Variants in CALCRL observed in about 807,000 individuals in gnomAD.
CALCRL encodes calcitonin gene-related peptide type 1 receptor.
In CALCRL, 27 loss-of-function variants were observed where a neutral mutation model predicts 60.4. The observed-to-expected ratio is 0.45, with a 90% CI of 0.33 to 0.62. The LOEUF (loss-of-function observed/expected upper bound fraction) is 0.62, where lower values mean the gene tolerates loss of function less well. Ranked by LOEUF, CALCRL falls within the 20% of genes least tolerant of loss-of-function variation. CALCRL has a pLI of 0.03. For synonymous variants in CALCRL, 190 were observed against 182.6 expected, an observed-to-expected ratio of 1.04 and a Z score of -0.33; for missense variants, 424 against 540.7, an observed-to-expected ratio of 0.78 and a Z score of 2.14.
At chr2:187,346,841 T>TCAGCAG (rs57186359) in intron 14 of CALCRL, among the ~76,000 whole-genome samples, 3,375 of 150,554 alleles carry the variant, frequency 0.022, 74 homozygotes, top group Admixed American at 0.062. Flanking sequence ...AGAATACAAA[T>TCAGCAG]CAGCAGCAGC....
In CALCRL at chr2:187,408,513, C is replaced by T. The variant is rs531062136; in HGVS notation, c.-292-20757G>A. On this transcript the variant is annotated intron_variant, in intron 1 of 14. Coordinates refer to ENST00000392370, the MANE Select transcript of CALCRL (RefSeq NM_005795.6). ...TACATATCTTTCCTTTAAAACATTA[C>T]GATGATACAGAAGCCTAAATGCCTA... Among the ~76,000 whole-genome samples, 26 of 151,974 alleles carry T rather than the reference C, an allele frequency of 1.7e-4. No homozygotes were observed. In the South Asian group the frequency reaches 3.7e-3, roughly 22 times the overall value.
chr2:187,372,269 T>G (rs1257617281), intron 8 of CALCRL, among the ~76,000 whole-genome samples: 1 of 152,102 alleles, frequency 6.6e-6, no homozygotes, highest in Admixed American at 6.6e-5. Flanking sequence ...TGCTCTCTGA[T>G]TTTAAACGGT....
Position 187,356,718 on chromosome 2 carries a change from C to T in CALCRL, c.909+2345G>A, listed in dbSNP as rs927451534. On this transcript the variant is annotated intron_variant, in intron 12 of 14. Coordinates refer to ENST00000392370, the MANE Select transcript of CALCRL (RefSeq NM_005795.6). Reference sequence around the variant, plus strand: ...ACAATCACCAGAGTGAACAGGCTACCTACAGAATGGGAGAAATTTTTTGCA... The same window carrying T: ...ACAATCACCAGAGTGAACAGGCTACTTACAGAATGGGAGAAATTTTTTGCA... 6.6e-5 allele frequency among the ~76,000 whole-genome samples: 10 copies of T among 152,152 alleles called. No homozygotes were observed. The East Asian group carries it at 7.7e-4, about 12-fold the overall frequency.
intron 1 of CALCRL, among the ~76,000 whole-genome samples, chr2:187,438,759 G>T (rs758900511): frequency 6.6e-6 from 1 of 152,104 alleles, no homozygotes; most frequent in Non-Finnish European, 1.5e-5. Context: ...AATGTGAAAG[G>T]TCATTCCTTG....
rs776472840 is a variant in CALCRL, at chr2:187,342,221, T to A, written c.*3963A>T. Among the ~76,000 whole-genome samples, 2 of 151,764 alleles carry A rather than the reference T, an allele frequency of 1.3e-5. No homozygotes were observed. Among genetic ancestry groups the A allele is most frequent in the African/African-American group, 2.4e-5 (1 of 41,412 alleles). ...TGAGACAGAATGTAAATTAGTGATGTTTATAGCTGAAATGAAAGTAGAGAT... is the reference window on the plus strand; with the variant it reads ...TGAGACAGAATGTAAATTAGTGATGATTATAGCTGAAATGAAAGTAGAGAT... On this transcript the variant is annotated 3_prime_UTR_variant, in exon 15 of 15. Coordinates refer to ENST00000392370, the MANE Select transcript of CALCRL (RefSeq NM_005795.6).
chr2:187,383,443 A>G (rs1399629318), intron 4 of CALCRL, 138 bp from the exon 5 acceptor site: 1 of 599,134 alleles, frequency 1.7e-6, no homozygotes, highest in African/African-American at 1.9e-5. Context: ...TAGGGAAAAA[A>G]CCCCAATTTG....
At chr2:187,408,598 A>C (rs1689230796) in intron 1 of CALCRL, among the ~76,000 whole-genome samples, 1 of 152,108 alleles carries the variant, frequency 6.6e-6, no homozygotes, top group Non-Finnish European at 1.5e-5. Flanking sequence ...TGTTCTGTAC[A>C]GAAATTAATA....
chr2:187,415,872 A>G (rs1049769426), intron 1 of CALCRL: 3 of 300,298 alleles, frequency 1.0e-5, no homozygotes, highest in African/African-American at 6.7e-5. Context: ...AGCCCCAGCA[A>G]GAGCACGAGA....
At chr2:187,360,235 A>G (rs905806802) in intron 10 of CALCRL, among the ~76,000 whole-genome samples, 1 of 152,062 alleles carries the variant, frequency 6.6e-6, no homozygotes, top group African/African-American at 2.4e-5. Flanking sequence ...TTTGAACCCA[A>G]TGCTCTCATT....
At chr2:187,347,086 A>G (rs1402655434) in intron 14 of CALCRL, among the ~76,000 whole-genome samples, 1 of 151,860 alleles carries the variant, frequency 6.6e-6, no homozygotes, top group Non-Finnish European at 1.5e-5. Flanking sequence ...ATAAATTTGC[A>G]GTTTAATGAC....
At chr2:187,377,089 G>A (rs1687788438) in intron 8 of CALCRL, among the ~76,000 whole-genome samples, 2 of 152,164 alleles carry the variant, frequency 1.3e-5, no homozygotes, top group South Asian at 2.1e-4. Flanking sequence ...AGGAGGCAAA[G>A]AGAACAGGCA....
At position 187,380,711 on chromosome 2, in the gene CALCRL, G is replaced by A; in HGVS notation, c.261C>T (p.Leu87=). Residue 87 remains leucine (L), a synonymous_variant, in exon 6 of 15, where the codon CTC becomes CTT. Coordinates refer to ENST00000392370, the MANE Select transcript of CALCRL (RefSeq NM_005795.6). The part of the protein sequence containing the change: ...DVAAGTESMQ[L]CPDYFQDFDP... The stretch of plus-strand genomic sequence containing the variant: ...CAAAGTCCTGAAAGTAATCAGGGCA[G>A]AGCTGCATTGATTCAGTTCCTGCTG... 4 of 1,614,064 alleles carry A rather than the reference G, an allele frequency of 2.5e-6. No homozygotes were observed. In the East Asian group the frequency reaches 8.9e-5, roughly 36 times the overall value.
At chr2:187,423,095 G>T (rs550208175) in intron 1 of CALCRL, among the ~76,000 whole-genome samples, 2 of 152,006 alleles carry the variant, frequency 1.3e-5, no homozygotes, top group East Asian at 3.9e-4. Flanking sequence ...CTTATTTCTC[G>T]TTTAAAATTT....
intron 8 of CALCRL, among the ~76,000 whole-genome samples, chr2:187,370,271 T>C (rs146207626): frequency 1.3e-5 from 2 of 152,156 alleles, no homozygotes; most frequent in African/African-American, 4.8e-5. Flanking sequence ...TTCTCATATA[T>C]GTCTGTGGGT....
rs1691280214 is a variant in CALCRL at position 187,448,235 on chromosome 2, A to G, written c.-489T>C. 6.6e-6 allele frequency: 1 copy of G among 152,052 alleles called. No homozygotes were observed. The highest frequency in any genetic ancestry group is 1.5e-5 in the Non-Finnish European group (1 of 68,022). 9.4% of individuals were successfully genotyped at this position (152,052 alleles called of 1,614,324 possible). On this transcript the variant is annotated 5_prime_UTR_variant, in exon 1 of 15. Transcript: ENST00000392370. The stretch of plus-strand genomic sequence containing the variant: ...AGCAGGAGGTGACACTCTCTGCTGG[A>G]GAGAGAGAGGTTGTTCTGAGTAGAT...
chr2:187,365,422 T>C (rs1208109820), intron 8 of CALCRL, among the ~76,000 whole-genome samples: 1 of 152,146 alleles, frequency 6.6e-6, no homozygotes, highest in Non-Finnish European at 1.5e-5. Context: ...TGCTTATCCA[T>C]GCAAATATAC....
intron 1 of CALCRL, among the ~76,000 whole-genome samples, chr2:187,406,174 A>C (rs952968397): frequency 8.2e-6 from 1 of 121,824 alleles, no homozygotes; most frequent in Non-Finnish European, 1.7e-5. Flanking sequence ...AAACAAACCA[A>C]ACCAAACACA....
At position 187,443,573 on chromosome 2, in the gene CALCRL, A is replaced by G. The variant is rs754532114; in HGVS notation, c.-293+4466T>C. ...ATAAATGCATATTTTTTCTTAATTTATAAAGTACATTGGTATATTTGTAGA... is the reference window on the plus strand; with the variant it reads ...ATAAATGCATATTTTTTCTTAATTTGTAAAGTACATTGGTATATTTGTAGA... On this transcript the variant is annotated intron_variant, in intron 1 of 14. Coordinates refer to ENST00000392370, the MANE Select transcript of CALCRL (RefSeq NM_005795.6). Among the ~76,000 whole-genome samples the G allele has an allele frequency of 5.5e-4, 83 of 151,882 alleles. 1 individual carries two copies. The highest frequency in any genetic ancestry group is 2.0e-3 in the Admixed American group (30 of 15,224).
intron 1 of CALCRL, among the ~76,000 whole-genome samples, chr2:187,417,603 T>G (rs2882203): frequency 6.6e-6 from 1 of 151,812 alleles, no homozygotes; most frequent in Non-Finnish European, 1.5e-5. Flanking sequence ...AACCTGAAAG[T>G]TGATTAAAGA....
Sources: allele counts gnomAD v4.1 joint callset (sites outside exome capture counted in the v4.1 genomes callset), GRCh38; gene constraint gnomAD v4.1.1; transcripts MANE v1.5; gene names NCBI Gene and HGNC (gene_info 2026-07-23, HGNC 2026-07-21).